The following NEDD9 variants were observed in gnomAD, a reference collection of about 807,000 sequenced individuals.
The protein encoded by NEDD9 is enhancer of filamentation 1.
In NEDD9, 26 loss-of-function variants were observed where a neutral mutation model predicts 76.6. The ratio of observed to expected loss-of-function variants is 0.34; its 90% CI spans 0.25 to 0.47. The LOEUF is 0.47. Ranked by LOEUF, NEDD9 falls within the 20% of genes least tolerant of loss-of-function variation. NEDD9 has a pLI of 1.00. For missense variants in NEDD9, 937 were observed against 1,058.5 expected, an observed-to-expected ratio of 0.89 and a Z score of 1.59; for synonymous variants, 392 against 414.2, an observed-to-expected ratio of 0.95 and a Z score of 0.65.
At chr6:11,228,143 G>A (rs1271435429) in intron 1 of NEDD9, among the ~76,000 whole-genome samples, 2 of 152,084 alleles carry the variant, frequency 1.3e-5, no homozygotes, top group African/African-American at 4.8e-5. Context: ...ATCTACGGAA[G>A]TCAGTATTAA....
chr6:11,346,410 C>T (rs1013791357), intron 1 of NEDD9, among the ~76,000 whole-genome samples: 6 of 151,622 alleles, frequency 4.0e-5, no homozygotes, highest in Admixed American at 2.6e-4. Flanking sequence ...AAAAGAGCAA[C>T]GCTGTTAATT....
chr6:11,218,912 G>C (rs1166269692), intron 1 of NEDD9, among the ~76,000 whole-genome samples: 1 of 152,156 alleles, frequency 6.6e-6, no homozygotes, highest in African/African-American at 2.4e-5. Context: ...CGCAACTACG[G>C]AGCAAACAGG....
chr6:11,272,263 G>A (rs1389988896), intron 3 of NEDD9, among the ~76,000 whole-genome samples: 6 of 152,152 alleles, frequency 3.9e-5, no homozygotes, highest in African/African-American at 7.2e-5. Flanking sequence ...ATCTGTCTTC[G>A]TCTATCACAA....
chr6:11,264,869 G>C (rs72827178), intron 3 of NEDD9, among the ~76,000 whole-genome samples: 15 of 151,970 alleles, frequency 9.9e-5, no homozygotes, highest in African/African-American at 1.9e-4. Context: ...TTGTTTGTTT[G>C]TTTCTTTTTT....
At position 11,190,057 on chromosome 6, in the gene NEDD9, G is replaced by T. The variant is rs1465258108; in HGVS notation, c.1812C>A (p.Pro604=). The T allele has an allele frequency of 6.3e-7, 1 of 1,592,776 alleles. No individual in the cohort carries two copies. Among genetic ancestry groups the T allele is most frequent in the Admixed American group, 1.7e-5 (1 of 58,824 alleles). Residue 604 remains proline, a synonymous_variant, in exon 5 of 7, where the codon CCC becomes CCA. Coordinates refer to ENST00000379446, the MANE Select transcript of NEDD9 (RefSeq NM_006403.4). The surrounding 1 kb of genome is among the most constrained non-coding windows in gnomAD (Gnocchi z 5.8). Reference sequence around the variant, plus strand: ...GGGCCTGCTCCTTGCTCAGGCCTGGGGGCAGTGCCTTGTTGTGGGCCTGGG... The same window carrying T: ...GGGCCTGCTCCTTGCTCAGGCCTGGTGGCAGTGCCTTGTTGTGGGCCTGGG... ...HKAQAHNKAL[P]PGLSKEQAPD... is the part of the protein sequence containing the mutation.
At chr6:11,329,833 C>G (rs561388369) in intron 2 of NEDD9, among the ~76,000 whole-genome samples, 22 of 152,258 alleles carry the variant, frequency 1.4e-4, no homozygotes, top group African/African-American at 5.1e-4. Context: ...CTATAATGCA[C>G]AGGACATCCC....
chr6:11,313,482 T>C (rs559015504), intron 2 of NEDD9, among the ~76,000 whole-genome samples: 6 of 135,642 alleles, frequency 4.4e-5, no homozygotes, highest in African/African-American at 1.6e-4. Flanking sequence ...AGTGGGTAGA[T>C]AGATGGATGG....
At chr6:11,286,497 G>A (rs72832913) in intron 3 of NEDD9, among the ~76,000 whole-genome samples, 14,864 of 152,192 alleles carry the variant, frequency 0.098, 858 homozygotes, top group Non-Finnish European at 0.13. Flanking sequence ...GAAAGCCTAT[G>A]CCATGCACAC....
chr6:11,200,998 T>C (rs191511460), intron 2 of NEDD9: 1 of 1,614,266 alleles, frequency 6.2e-7, no homozygotes, highest in African/African-American at 1.3e-5. Context: ...CTGGTTTGTT[T>C]AGAGGCTCTC....
chr6:11,296,224 T>C (rs955560096), intron 3 of NEDD9, among the ~76,000 whole-genome samples: 1 of 152,106 alleles, frequency 6.6e-6, no homozygotes, highest in Non-Finnish European at 1.5e-5. Flanking sequence ...TAAATTTCTG[T>C]TGTTTAAGCC....
chr6:11,335,965 G>A (rs1762150972), intron 1 of NEDD9, among the ~76,000 whole-genome samples: 1 of 144,808 alleles, frequency 6.9e-6, no homozygotes, highest in African/African-American at 2.8e-5. Flanking sequence ...AAGCTCGTCT[G>A]CACTTGAGAT....
chr6:11,361,860 G>T (rs1762685060), intron 1 of NEDD9, among the ~76,000 whole-genome samples: 2 of 152,104 alleles, frequency 1.3e-5, no homozygotes, highest in Admixed American at 1.3e-4. Flanking sequence ...AGATGGGCTG[G>T]GGTGTTCAAG....
intron 3 of NEDD9, among the ~76,000 whole-genome samples, chr6:11,240,801 G>A (rs951054366): frequency 2.0e-5 from 3 of 152,320 alleles, no homozygotes; most frequent in Admixed American, 1.3e-4. Context: ...TAAAGGTGAA[G>A]TGATAAGAAA....
At chr6:11,322,166 G>A (rs1761822419) in intron 2 of NEDD9, among the ~76,000 whole-genome samples, 1 of 152,122 alleles carries the variant, frequency 6.6e-6, no homozygotes, top group African/African-American at 2.4e-5. Context: ...TCACATAGCA[G>A]GGCCTGTTGG....
chr6:11,215,364 G>A (rs1022194232), intron 1 of NEDD9, among the ~76,000 whole-genome samples: 3 of 152,180 alleles, frequency 2.0e-5, no homozygotes, highest in African/African-American at 7.2e-5. Context: ...CATATTTCAG[G>A]GGAAGGTTTC....
chr6:11,356,005 G>T (rs548695510), intron 1 of NEDD9, among the ~76,000 whole-genome samples: 1 of 152,266 alleles, frequency 6.6e-6, no homozygotes, highest in Admixed American at 6.5e-5. Flanking sequence ...GCAGGCGTGA[G>T]CCACCATGCC....
At chr6:11,304,920 C>T (rs1338244917) in intron 3 of NEDD9, 9 of 414,952 alleles carry the variant, frequency 2.2e-5, no homozygotes, top group Admixed American at 7.7e-5. Flanking sequence ...CAAACCTGCA[C>T]GTTTTGCACA....
intron 1 of NEDD9, among the ~76,000 whole-genome samples, chr6:11,361,272 A>G (rs2113552326): frequency 6.6e-6 from 1 of 152,292 alleles, no homozygotes; most frequent in East Asian, 1.9e-4. Context: ...GTATTAGGGC[A>G]TTCTTGCACT....
At chr6:11,253,896 T>C (rs928992203) in intron 3 of NEDD9, among the ~76,000 whole-genome samples, 2 of 152,204 alleles carry the variant, frequency 1.3e-5, no homozygotes, top group Non-Finnish European at 2.9e-5. Context: ...CTGGTCATTT[T>C]GTACTGGTAT....
Sources: allele counts gnomAD v4.1 joint callset (sites outside exome capture counted in the v4.1 genomes callset), GRCh38; gene constraint gnomAD v4.1.1; non-coding constraint Gnocchi (gnomAD v3.1); transcripts MANE v1.5; gene names NCBI Gene and HGNC (gene_info 2026-07-23, HGNC 2026-07-21).